ITGA1: variants seen among roughly 807,000 people sequenced by gnomAD.
The protein encoded by ITGA1 is integrin alpha-1.
ITGA1 carries 85 observed loss-of-function variants against 145.9 expected under a neutral mutation model. That is an observed-to-expected ratio of 0.58 (90% confidence interval 0.49 to 0.70). The LOEUF is 0.70. Among genes scored for constraint, ITGA1 ranks in the 30% least tolerant of loss-of-function variants. The pLI is 0.00. For synonymous variants in ITGA1, 520 were observed against 495.3 expected (o/e 1.05, Z -0.66); for missense variants, 1,351 against 1,418.7 (o/e 0.95, Z 0.77).
At chr5:52,861,608 C>T (rs763270462) in intron 3 of ITGA1, 49 bp downstream of exon 3, 26 of 1,051,872 alleles carry the variant, frequency 2.5e-5, no homozygotes, top group East Asian at 4.7e-5. Flanking sequence ...CGGTGAGTCA[C>T]GCCTGTAATC....
intron 28 of ITGA1, among the ~76,000 whole-genome samples, chr5:52,948,311 T>C (rs1751164522): frequency 6.6e-6 from 1 of 152,200 alleles, no homozygotes; most frequent in Non-Finnish European, 1.5e-5. Context: ...TTACCTATTG[T>C]TTTGTTAAAT....
At chr5:52,871,140 A>C (rs905197134) in intron 6 of ITGA1, among the ~76,000 whole-genome samples, 14 of 152,352 alleles carry the variant, frequency 9.2e-5, no homozygotes, top group African/African-American at 3.4e-4. Context: ...GTAGGAGAGA[A>C]GATTTAACTA....
chr5:52,841,808 CACCTTTTAGTT>C (rs1749257364), intron 1 of ITGA1, among the ~76,000 whole-genome samples: 1 of 152,076 alleles, frequency 6.6e-6, no homozygotes, highest in African/African-American at 2.4e-5. Flanking sequence ...CTTAATATAT[CACCTTTTAGTT>C]ACAGTGAGAA....
intron 1 of ITGA1, among the ~76,000 whole-genome samples, chr5:52,835,122 T>C (rs577649831): frequency 6.6e-6 from 1 of 152,210 alleles, no homozygotes; most frequent in East Asian, 1.9e-4. Flanking sequence ...TATCTACCTG[T>C]TGTCTTCTGG....
chr5:52,952,544 T>C lies in ITGA1; in HGVS notation c.*93T>C, dbSNP rs949248447. 7.4e-6 allele frequency: 4 copies of C among 540,278 alleles called. No homozygotes were observed. The highest frequency in any genetic ancestry group is 3.6e-4 in the Middle Eastern group (1 of 2,792). The allele number at this position is 540,278 out of a possible 1,614,324, so 33.5% of individuals were successfully genotyped here. A position where few individuals can be genotyped will look rare whatever the true frequency, so the allele number is the denominator to read the frequency against. On this transcript the variant is annotated 3_prime_UTR_variant, in exon 29 of 29. Coordinates refer to ENST00000282588, the MANE Select transcript of ITGA1 (RefSeq NM_181501.2). ...GACAAGAAATGTATAATTCATGACA[T>C]AGTCATGTAACTATGTAATCCATCA... is the stretch of plus-strand genomic sequence containing the variant.
rs375554087 is a variant in ITGA1, at chr5:52,868,570, G to C, written c.624+2753G>C. Among the ~76,000 whole-genome samples, 193 of 152,278 alleles carry C rather than the reference G, an allele frequency of 1.3e-3. 1 individual carries two copies. In the South Asian group the frequency reaches 0.016, roughly 12 times the overall value. ...AGCCTGCCAGAGTGGGCAACATGAA[G>C]TTATATGTATTTTCTGGAGGGAACA... On this transcript the variant is annotated intron_variant, in intron 6 of 28. Transcript: ENST00000282588.
At chr5:52,852,088 G>A (rs1749439753) in intron 2 of ITGA1, among the ~76,000 whole-genome samples, 2 of 152,122 alleles carry the variant, frequency 1.3e-5, no homozygotes, top group South Asian at 2.1e-4. Flanking sequence ...CTTTCAATAT[G>A]AGAAGAAAAA....
chr5:52,949,501 G>A (rs1751186605), intron 28 of ITGA1, among the ~76,000 whole-genome samples: 1 of 152,146 alleles, frequency 6.6e-6, no homozygotes, highest in African/African-American at 2.4e-5. Flanking sequence ...TTAAAGCAAA[G>A]GGAGGTAAAG....
intron 21 of ITGA1, among the ~76,000 whole-genome samples, 179 bp downstream of exon 21, chr5:52,929,880 A>AT (rs112525346): frequency 0.067 from 10,263 of 152,252 alleles, 906 homozygotes; most frequent in African/African-American, 0.2. Flanking sequence ...AATTAGCAAA[A>AT]TAAAGAAATT....
At chr5:52,943,331 G>A (rs976409477) in intron 26 of ITGA1, among the ~76,000 whole-genome samples, 2 of 152,224 alleles carry the variant, frequency 1.3e-5, no homozygotes, top group Non-Finnish European at 2.9e-5. Flanking sequence ...TGTAAGTTGA[G>A]TGTAGTCATT....
At chr5:52,864,694 A>AT in intron 3 of ITGA1, 69 bp from the exon 4 acceptor site, 1 of 902,374 alleles carries the variant, frequency 1.1e-6, no homozygotes, top group South Asian at 1.5e-5. Flanking sequence ...AGAATGTCTT[A>AT]ATGAGAGATG....
chr5:52,881,757 T>A, intron 6 of ITGA1, 116 bp from the exon 7 acceptor site: 1 of 840,652 alleles, frequency 1.2e-6, no homozygotes, highest in South Asian at 2.4e-5. Flanking sequence ...ATTTGTGTAC[T>A]GATAGGTTTG....
intron 15 of ITGA1, among the ~76,000 whole-genome samples, chr5:52,917,997 C>T (rs749615987): frequency 8.0e-4 from 121 of 152,186 alleles, no homozygotes; most frequent in Admixed American, 4.1e-3. Flanking sequence ...GTAATTGTTC[C>T]GGCTTGGATC....
intron 2 of ITGA1, among the ~76,000 whole-genome samples, chr5:52,851,653 G>A (rs1379901478): frequency 6.6e-6 from 1 of 151,472 alleles, no homozygotes; most frequent in Admixed American, 6.6e-5. Context: ...TGGTCTGTCT[G>A]AATGAATCTA....
At chr5:52,907,563 A>G (rs533288312) in intron 12 of ITGA1, among the ~76,000 whole-genome samples, 1 of 152,376 alleles carries the variant, frequency 6.6e-6, no homozygotes, top group Admixed American at 6.5e-5. Context: ...AGGTGGCTCC[A>G]TGATTAGAAT....
Position 52,873,383 on chromosome 5 carries a change from C to T in ITGA1, c.624+7566C>T, listed in dbSNP as rs1456358897. On this transcript the variant is annotated intron_variant, in intron 6 of 28. Transcript: ENST00000282588. ...TCCTATCTTTGCATTTTTGAGCCTA[C>T]GTCACTTTCATTGTAGCATCTTCCA... is the stretch of plus-strand genomic sequence containing the variant. Among the ~76,000 whole-genome samples the T allele has an allele frequency of 3.9e-5, 6 of 152,138 alleles. No homozygotes were observed. In the East Asian group the frequency reaches 7.7e-4, roughly 20 times the overall value.
At chr5:52,868,862 C>T (rs1749731512) in intron 6 of ITGA1, among the ~76,000 whole-genome samples, 1 of 152,144 alleles carries the variant, frequency 6.6e-6, no homozygotes, top group African/African-American at 2.4e-5. Context: ...TTGCTTTCAT[C>T]ATTGATTGTG....
At chr5:52,868,197 T>A (rs1159148842) in intron 6 of ITGA1, among the ~76,000 whole-genome samples, 1 of 152,232 alleles carries the variant, frequency 6.6e-6, no homozygotes, top group Non-Finnish European at 1.5e-5. Flanking sequence ...TATACAGCCA[T>A]CTAAATATTT....
intron 1 of ITGA1, among the ~76,000 whole-genome samples, chr5:52,847,152 T>C (rs987371639): frequency 6.6e-6 from 1 of 152,032 alleles, no homozygotes; most frequent in Non-Finnish European, 1.5e-5. Context: ...TCTTAAAAAA[T>C]AAGAAAGGAG....
Sources: gnomAD v4.1 joint callset for allele counts (sites outside exome capture counted in the v4.1 genomes callset) on GRCh38, gnomAD v4.1.1 for gene constraint, MANE v1.5 for transcripts, NCBI Gene and HGNC (gene_info 2026-07-23, HGNC 2026-07-21) for gene names.